The following SHISA6 variants were observed in gnomAD, a reference collection of about 807,000 sequenced individuals.
SHISA6 encodes the protein protein shisa-6.
In SHISA6, 22 loss-of-function variants were observed where a neutral mutation model predicts 47.9. That is an observed-to-expected ratio of 0.46 (90% CI 0.33 to 0.66). The LOEUF (loss-of-function observed/expected upper bound fraction) is 0.66. Ranked by LOEUF, SHISA6 falls within the 30% of genes least tolerant of loss-of-function variation. The pLI is 0.02. For synonymous variants in SHISA6, 388 were observed against 337.8 expected (o/e 1.15, Z -1.63); for missense variants, 680 against 764.6 (o/e 0.89, Z 1.30).
intron 1 of SHISA6, among the ~76,000 whole-genome samples, chr17:11,253,408 GAGA>G (rs1483127249): frequency 6.6e-6 from 1 of 152,096 alleles, no homozygotes; most frequent in Admixed American, 6.5e-5. Flanking sequence ...ATACACCATG[GAGA>G]AGGTTAGATT....
At chr17:11,452,682 CCTCTCCT>C (rs995453619) in intron 3 of SHISA6, among the ~76,000 whole-genome samples, 29 of 138,606 alleles carry the variant, frequency 2.1e-4, no homozygotes, top group Admixed American at 5.1e-4. Context: ...TTCTCCTCTT[CCTCTCCT>C]CTCTCTTTCT....
chr17:11,341,213 T>C (rs1020228193), intron 2 of SHISA6, among the ~76,000 whole-genome samples: 2 of 152,088 alleles, frequency 1.3e-5, no homozygotes, highest in African/African-American at 4.8e-5. Flanking sequence ...ACAGTGTTAA[T>C]GCAACAGCAA....
chr17:11,434,292 T>G (rs571958386), intron 3 of SHISA6, among the ~76,000 whole-genome samples: 1 of 152,266 alleles, frequency 6.6e-6, no homozygotes, highest in South Asian at 2.1e-4. Flanking sequence ...CTTGAACTCC[T>G]GATGTCATGA....
intron 3 of SHISA6, among the ~76,000 whole-genome samples, chr17:11,414,656 T>C (rs555798805): frequency 3.0e-4 from 46 of 152,260 alleles, no homozygotes; most frequent in South Asian, 2.7e-3. Context: ...TACTCTCCCT[T>C]AGGATTTTTA....
At chr17:11,270,366 C>G (rs1327312475) in intron 2 of SHISA6, among the ~76,000 whole-genome samples, 1 of 152,182 alleles carries the variant, frequency 6.6e-6, no homozygotes, top group Non-Finnish European at 1.5e-5. Flanking sequence ...CTATGACTTT[C>G]CCTGACTTCT....
At chr17:11,314,568 T>A (rs961689032) in intron 2 of SHISA6, among the ~76,000 whole-genome samples, 1 of 150,160 alleles carries the variant, frequency 6.7e-6, no homozygotes, top group South Asian at 2.1e-4. Flanking sequence ...GGAGTCCCGC[T>A]CTTGTTCCCC....
At chr17:11,307,992 C>T (rs567496784) in intron 2 of SHISA6, among the ~76,000 whole-genome samples, 2 of 152,186 alleles carry the variant, frequency 1.3e-5, no homozygotes, top group South Asian at 2.1e-4. Context: ...CCGGTGCCTC[C>T]AAATAATACA....
chr17:11,400,892 A>G (rs142083472), intron 3 of SHISA6, among the ~76,000 whole-genome samples: 1 of 152,322 alleles, frequency 6.6e-6, no homozygotes, highest in African/African-American at 2.4e-5. Context: ...ATGGTTCTAT[A>G]CAAGTCTTGC....
At chr17:11,297,559 G>A (rs1411258346) in intron 2 of SHISA6, among the ~76,000 whole-genome samples, 1 of 152,176 alleles carries the variant, frequency 6.6e-6, no homozygotes, top group East Asian at 1.9e-4. Context: ...TTCTGAGGCT[G>A]TGCCCCAGAG....
intron 2 of SHISA6, among the ~76,000 whole-genome samples, chr17:11,346,666 A>G (rs11867918): frequency 0.11 from 16,256 of 152,182 alleles, 910 homozygotes; most frequent in African/African-American, 0.13. Flanking sequence ...CCAATAATAT[A>G]TCATTCTATG....
At position 11,557,884 on chromosome 17, in the gene SHISA6, G is replaced by T. The variant is rs1203418152; in HGVS notation, c.1236G>T (p.Arg412=). The T allele has an allele frequency of 1.4e-5, 22 of 1,551,396 alleles. No homozygotes were observed. Among genetic ancestry groups the T allele is most frequent in the Non-Finnish European group, 1.8e-5 (21 of 1,147,014 alleles). ...QKPLPRERPR[R]PIRAMSQDRV... is the part of the protein sequence containing the mutation. ...CGTTGCCAAGGGAACGACCCCGCCG[G>T]CCCATCCGGGCCATGTCCCAGGACA... Residue 412 remains arginine (R), a synonymous_variant, in exon 6 of 6, where the codon CGG becomes CGT. Coordinates refer to ENST00000441885, the MANE Select transcript of SHISA6 (RefSeq NM_207386.4).
At chr17:11,549,068 A>G (rs1349647714) in intron 3 of SHISA6, among the ~76,000 whole-genome samples, 1 of 152,230 alleles carries the variant, frequency 6.6e-6, no homozygotes, top group Admixed American at 6.5e-5. Context: ...TTCTGCATAC[A>G]TGTAAAGATT....
chr17:11,315,980 A>G (rs2142191407), intron 2 of SHISA6, among the ~76,000 whole-genome samples: 1 of 152,274 alleles, frequency 6.6e-6, no homozygotes, highest in East Asian at 1.9e-4. Flanking sequence ...TATTATTTAA[A>G]AGTTGTATCA....
At chr17:11,287,139 A>C (rs555205405) in intron 2 of SHISA6, among the ~76,000 whole-genome samples, 1 of 152,072 alleles carries the variant, frequency 6.6e-6, no homozygotes, top group Non-Finnish European at 1.5e-5. Context: ...ATATGCTTGT[A>C]GTCCCAGTTA....
chr17:11,277,318 A>ACACACACACCC (rs1389004430), intron 2 of SHISA6, among the ~76,000 whole-genome samples: 2 of 127,988 alleles, frequency 1.6e-5, no homozygotes, highest in African/African-American at 6.2e-5. Flanking sequence ...ACACACACAC[A>ACACACACACCC]CCCCGCATGT....
chr17:11,482,517 G>GA (rs1323970258), intron 3 of SHISA6, among the ~76,000 whole-genome samples: 2 of 151,874 alleles, frequency 1.3e-5, no homozygotes, highest in East Asian at 1.9e-4. Flanking sequence ...TTCTGCCAAG[G>GA]AAAAAAAATT....
At chr17:11,461,883 G>C (rs546081608) in intron 3 of SHISA6, among the ~76,000 whole-genome samples, 2 of 152,268 alleles carry the variant, frequency 1.3e-5, no homozygotes, top group South Asian at 4.1e-4. Context: ...TCTGGGAGGG[G>C]TATTCCCTCC....
At chr17:11,372,249 G>T (rs545370727) in intron 2 of SHISA6, among the ~76,000 whole-genome samples, 1 of 152,294 alleles carries the variant, frequency 6.6e-6, no homozygotes, top group African/African-American at 2.4e-5. Context: ...GCCTGGTTGA[G>T]ATATTATGGA....
chr17:11,266,870 T>G (rs1908443328), intron 2 of SHISA6, among the ~76,000 whole-genome samples: 2 of 152,178 alleles, frequency 1.3e-5, no homozygotes, highest in East Asian at 3.9e-4. Flanking sequence ...ATGAAAGGAA[T>G]TTGTGGAGCT....
Sources: gnomAD v4.1 joint callset for allele counts (sites outside exome capture counted in the v4.1 genomes callset) on GRCh38, gnomAD v4.1.1 for gene constraint, MANE v1.5 for transcripts, NCBI Gene and HGNC (gene_info 2026-07-23, HGNC 2026-07-21) for gene names.